Variants in BBOX1 observed in about 807,000 individuals in gnomAD.
BBOX1 encodes gamma-butyrobetaine dioxygenase.
In BBOX1, 35 loss-of-function variants were observed where a neutral mutation model predicts 41.6. The observed-to-expected ratio is 0.84, with a 90% CI of 0.64 to 1.11. The LOEUF (loss-of-function observed/expected upper bound fraction) is 1.11, where lower values mean the gene tolerates loss of function less well. Ranked by LOEUF, BBOX1 falls within the 50% of genes most tolerant of loss-of-function variation. The pLI is 0.00. For synonymous variants in BBOX1, 163 were observed against 154.7 expected, an observed-to-expected ratio of 1.05 and a Z score of -0.40; for missense variants, 458 against 460.6, an observed-to-expected ratio of 0.99 and a Z score of 0.05.
intron 8 of BBOX1, among the ~76,000 whole-genome samples, chr11:27,126,456 C>T (rs915641620): frequency 3.9e-5 from 6 of 152,114 alleles, no homozygotes; most frequent in African/African-American, 7.2e-5. Context: ...CAAGCTTCGA[C>T]TATTTAATGG....
rs147145229 is a variant in BBOX1, at chr11:27,054,205, C to G, written c.-38-1188C>G. Among the ~76,000 whole-genome samples the G allele has an allele frequency of 4.2e-4, 59 of 139,452 alleles. No individual in the cohort carries two copies. In the East Asian group the frequency reaches 5.4e-3, roughly 13 times the overall value. 91.5% of individuals were successfully genotyped at this position (139,452 alleles called of 152,430 possible). On this transcript the variant is annotated intron_variant, in intron 2 of 8. Transcript: ENST00000263182. ...TTTTATAAGCTGTGTGTGTGTGTGT[C>G]TGTGTGTGTGTGTGTGTGTGTGTGT...
intron 4 of BBOX1, among the ~76,000 whole-genome samples, chr11:27,061,452 A>G (rs751156141): frequency 1.3e-5 from 2 of 152,238 alleles, no homozygotes; most frequent in Non-Finnish European, 2.9e-5. Flanking sequence ...TAAAAAAAAG[A>G]AATTAATGAG....
Position 27,093,247 on chromosome 11 carries a change from C to CAAGT in BBOX1, c.415_418dup (p.Trp140Ter), listed in dbSNP as rs995669763. 6.2e-7 allele frequency: 1 copy of CAAGT among 1,612,494 alleles called. No individual in the cohort carries two copies. The highest frequency in any genetic ancestry group is 1.7e-5 in the Admixed American group (1 of 59,830). On this transcript the variant is annotated frameshift_variant, in exon 5 of 9. Transcript: ENST00000263182. LOFTEE classifies it high-confidence loss of function. ...TTTTAAGATATGATGAACACGCATACAAGTGGCTCTCCACCCTCAAGAAAG... is the reference window on the plus strand; with the variant it reads ...TTTTAAGATATGATGAACACGCATACAAGTAAGTGGCTCTCCACCCTCAAGAAAG...
chr11:27,088,324 T>C (rs1858117490), intron 4 of BBOX1, among the ~76,000 whole-genome samples: 1 of 152,038 alleles, frequency 6.6e-6, no homozygotes, highest in Admixed American at 6.6e-5. Context: ...TGGAAAGTGA[T>C]AATGACCTTA....
chr11:27,119,985 A>C (rs1859407332), intron 7 of BBOX1, 140 bp downstream of exon 7: 1 of 522,722 alleles, frequency 1.9e-6, no homozygotes, highest in Non-Finnish European at 3.1e-6. Context: ...TTTTAGAGTG[A>C]TAGTATTTTC....
chr11:27,126,590 C>T (rs547990706), intron 8 of BBOX1, among the ~76,000 whole-genome samples: 41 of 152,030 alleles, frequency 2.7e-4, no homozygotes, highest in African/African-American at 9.6e-4. Flanking sequence ...GCATAAAATA[C>T]TAGGCACACA....
intron 4 of BBOX1, among the ~76,000 whole-genome samples, chr11:27,090,090 T>C (rs973009438): frequency 6.6e-6 from 1 of 152,000 alleles, no homozygotes; most frequent in African/African-American, 2.4e-5. Context: ...TCCCGTTTTC[T>C]TTTGGAAATA....
chr11:27,069,807 G>A (rs575718817), intron 4 of BBOX1, among the ~76,000 whole-genome samples: 27 of 152,030 alleles, frequency 1.8e-4, no homozygotes, highest in Non-Finnish European at 3.1e-4. Context: ...TTTGAGGTAC[G>A]TTCCTTCAAT....
intron 5 of BBOX1, among the ~76,000 whole-genome samples, chr11:27,098,486 T>G (rs1858527591): frequency 1.3e-5 from 2 of 152,124 alleles, no homozygotes; most frequent in African/African-American, 4.8e-5. Context: ...GATTCTATTT[T>G]TAGTAGTAAT....
intron 8 of BBOX1, 95 bp downstream of exon 8, chr11:27,125,915 G>A: frequency 3.0e-6 from 4 of 1,325,182 alleles, no homozygotes; most frequent in Non-Finnish European, 4.1e-6. Context: ...TCTCAGGTAT[G>A]GCATGTAGAA....
chr11:27,091,483 G>C (rs577040325), intron 4 of BBOX1, among the ~76,000 whole-genome samples: 2 of 151,964 alleles, frequency 1.3e-5, no homozygotes, highest in African/African-American at 4.8e-5. Context: ...TAATCATCCT[G>C]AAACCTTCAT....
intron 4 of BBOX1, among the ~76,000 whole-genome samples, chr11:27,064,857 G>A (rs570941272): frequency 1.3e-5 from 2 of 151,886 alleles, no homozygotes; most frequent in South Asian, 4.2e-4. Flanking sequence ...CAGGATTGGT[G>A]GGTCTAGGTA....
Position 27,042,374 on chromosome 11 carries a change from A to G in BBOX1, c.-39+896A>G, listed in dbSNP as rs199826105. On this transcript the variant is annotated intron_variant, in intron 2 of 8. Transcript: ENST00000263182. ...TATTTTTGTTGTTATTGTTGCTGAGATGGGGTCTTGCTCTGTCATCCAGGC... is the reference window on the plus strand; with the variant it reads ...TATTTTTGTTGTTATTGTTGCTGAGGTGGGGTCTTGCTCTGTCATCCAGGC... 2.0e-5 allele frequency among the ~76,000 whole-genome samples: 3 copies of G among 152,290 alleles called. No individual in the cohort carries two copies. The East Asian group carries it at 5.8e-4, about 29-fold the overall frequency.
At chr11:27,106,548 A>G (rs1244772408) in intron 5 of BBOX1, among the ~76,000 whole-genome samples, 1 of 152,206 alleles carries the variant, frequency 6.6e-6, no homozygotes, top group African/African-American at 2.4e-5. Context: ...TATCCTAAAT[A>G]TATATGTACC....
intron 2 of BBOX1, among the ~76,000 whole-genome samples, chr11:27,049,056 G>A (rs1471652429): frequency 6.6e-6 from 1 of 151,588 alleles, no homozygotes; most frequent in Admixed American, 6.6e-5. Context: ...TTTCATCCAT[G>A]TCCCTACAAA....
At chr11:27,096,358 G>A (rs1858438068) in intron 5 of BBOX1, among the ~76,000 whole-genome samples, 1 of 151,968 alleles carries the variant, frequency 6.6e-6, no homozygotes, top group African/African-American at 2.4e-5. Context: ...GTGAGTGAGT[G>A]AATGGAATGA....
intron 5 of BBOX1, among the ~76,000 whole-genome samples, chr11:27,101,569 T>G (rs1035794118): frequency 1.6e-4 from 24 of 152,264 alleles, no homozygotes; most frequent in African/African-American, 5.8e-4. Context: ...TGGAGCAAAT[T>G]GCTATAACTT....
At chr11:27,107,799 A>G (rs988287074) in intron 5 of BBOX1, among the ~76,000 whole-genome samples, 43 of 152,150 alleles carry the variant, frequency 2.8e-4, no homozygotes, top group African/African-American at 9.4e-4. Context: ...CCAGGGTTAT[A>G]TGGCTGCAAA....
At position 27,093,304 on chromosome 11, in the gene BBOX1, C is replaced by A. The variant is rs752306091; in HGVS notation, c.471C>A (p.Asp157Glu). Reference sequence around the variant, plus strand: ...TAGTAAGACTCACCGGAGCATCTGACAAACCAGGAGAAGTTTCAAAACTTG... The same window carrying A: ...TAGTAAGACTCACCGGAGCATCTGAAAAACCAGGAGAAGTTTCAAAACTTG... The part of the protein sequence containing the change: ...VGIVRLTGAS[D>E]KPGEVSKLGK... The change falls in exon 5 of 9, where the codon GAC (aspartate) becomes GAA (glutamate). Residue 157 changes from aspartate (D) to glutamate (E), a missense_variant. Physicochemically the swap from Asp to Glu is conservative, Grantham distance 45. Transcript: ENST00000263182. 5.0e-6 allele frequency: 8 copies of A among 1,612,564 alleles called. No homozygotes were observed. The highest frequency in any genetic ancestry group is 6.8e-6 in the Non-Finnish European group (8 of 1,179,040).
Sources: allele counts gnomAD v4.1 joint callset (sites outside exome capture counted in the v4.1 genomes callset), GRCh38; gene constraint gnomAD v4.1.1; transcripts MANE v1.5; gene names NCBI Gene and HGNC (gene_info 2026-07-23, HGNC 2026-07-21).